ATP2C2: variants seen among roughly 807,000 people sequenced by gnomAD.
ATP2C2 encodes calcium-transporting ATPase type 2C member 2.
ATP2C2 carries 171 observed loss-of-function variants against 110.8 expected under a neutral mutation model. The ratio of observed to expected loss-of-function variants is 1.54; its 90% confidence interval spans 1.36 to 1.75. The LOEUF (loss-of-function observed/expected upper bound fraction) is 1.75. Among genes scored for constraint, ATP2C2 ranks in the 40% most tolerant of loss-of-function variants. The pLI, the probability that ATP2C2 is intolerant of heterozygous loss-of-function variation, is 0.00. For synonymous variants in ATP2C2, 804 were observed against 508.4 expected, an observed-to-expected ratio of 1.58 and a Z score of -7.82; for missense variants, 1,963 against 1,235.0, an observed-to-expected ratio of 1.59 and a Z score of -8.84.
intron 6 of ATP2C2, among the ~76,000 whole-genome samples, chr16:84,411,086 A>C (rs576340610): frequency 1.3e-5 from 2 of 152,082 alleles, no homozygotes; most frequent in African/African-American, 4.8e-5. Context: ...AACTGTGTGC[A>C]TTTTTTCTAG....
intron 2 of ATP2C2, chr16:84,404,717 G>A (rs1905595008): frequency 2.3e-5 from 8 of 353,186 alleles, no homozygotes; most frequent in South Asian, 1.4e-4. Flanking sequence ...ACCCCAAAGT[G>A]GAATTGCTGG....
At chr16:84,451,898 C>G in intron 17 of ATP2C2, 23 bp from the exon 18 acceptor site, 3 of 1,601,176 alleles carry the variant, frequency 1.9e-6, no homozygotes, top group Non-Finnish European at 2.6e-6. Context: ...GGTGACCCCT[C>G]CTTACTCCCC....
intron 11 of ATP2C2, among the ~76,000 whole-genome samples, chr16:84,436,438 G>A (rs919765819): frequency 5.3e-5 from 8 of 152,182 alleles, no homozygotes; most frequent in Admixed American, 6.5e-5. Flanking sequence ...TGGACCGGGC[G>A]TGTCTCGAGG....
intron 1 of ATP2C2, among the ~76,000 whole-genome samples, chr16:84,394,141 A>G (rs1904833586): frequency 6.6e-6 from 1 of 152,022 alleles, no homozygotes; most frequent in Admixed American, 6.6e-5. Context: ...CCAAGATCAC[A>G]CCACTGCACT....
intron 1 of ATP2C2, among the ~76,000 whole-genome samples, chr16:84,376,540 T>TG (rs201567483): frequency 0.074 from 11,280 of 152,158 alleles, 512 homozygotes; most frequent in Middle Eastern, 0.11. Flanking sequence ...TGGCAATTTT[T>TG]TTTTTTTTTT....
intron 1 of ATP2C2, among the ~76,000 whole-genome samples, chr16:84,387,648 T>C (rs1400895015): frequency 6.6e-6 from 1 of 152,226 alleles, no homozygotes; most frequent in Admixed American, 6.5e-5. Flanking sequence ...CAGTTATTCA[T>C]GGAAATGCAC....
chr16:84,454,179 C>T (rs536776456), intron 20 of ATP2C2, among the ~76,000 whole-genome samples: 1 of 152,246 alleles, frequency 6.6e-6, no homozygotes, highest in Non-Finnish European at 1.5e-5. Flanking sequence ...AATGGGGGAA[C>T]TATTAATGCC....
chr16:84,437,671 A>AATTAGC (rs2150564161), intron 11 of ATP2C2, among the ~76,000 whole-genome samples: 1 of 152,258 alleles, frequency 6.6e-6, no homozygotes, highest in East Asian at 1.9e-4. Flanking sequence ...GCATGCCACC[A>AATTAGC]CACCTGGCTA....
intron 1 of ATP2C2, among the ~76,000 whole-genome samples, chr16:84,393,361 T>C (rs565815703): frequency 6.6e-6 from 1 of 152,138 alleles, no homozygotes; most frequent in African/African-American, 2.4e-5. Context: ...AGTGGCAGCG[T>C]CCACGAGCTC....
chr16:84,389,762 C>T (rs990502644), intron 1 of ATP2C2, among the ~76,000 whole-genome samples: 23 of 150,526 alleles, frequency 1.5e-4, no homozygotes, highest in Non-Finnish European at 2.2e-4. Context: ...GCTCTGTCAC[C>T]CAGGCTGGAG....
In ATP2C2 at chr16:84,404,845, G is replaced by A. The variant is rs757985306; in HGVS notation, c.211-283G>A. On this transcript the variant is annotated intron_variant, in intron 2 of 26. Coordinates refer to ENST00000262429, the MANE Select transcript of ATP2C2 (RefSeq NM_014861.4). The stretch of plus-strand genomic sequence containing the variant: ...TTTTTTTTTTAAGAAGAAAAGATGT[G>A]TTTCTGCATTTCTGGAAGTCTATGC... 2 of 352,428 alleles carry A rather than the reference G, an allele frequency of 5.7e-6. 1 individual carries two copies. Among genetic ancestry groups the A allele is most frequent in the South Asian group, 4.9e-5 (2 of 40,640 alleles). The allele number at this position is 352,428 out of a possible 1,614,324, so 21.8% of individuals were successfully genotyped here. A position where few individuals can be genotyped will look rare whatever the true frequency, so the allele number is the denominator to read the frequency against.
intron 1 of ATP2C2, among the ~76,000 whole-genome samples, chr16:84,385,072 G>C (rs1244159286): frequency 6.6e-6 from 1 of 152,102 alleles, no homozygotes; most frequent in Non-Finnish European, 1.5e-5. Context: ...ATAAAAAGAA[G>C]AAATACCTGA....
intron 20 of ATP2C2, among the ~76,000 whole-genome samples, 182 bp downstream of exon 20, chr16:84,453,553 A>G (rs919739162): frequency 6.6e-6 from 1 of 152,072 alleles, no homozygotes; most frequent in Non-Finnish European, 1.5e-5. Context: ...GAGGAGGTTG[A>G]GCAGGGGCGC....
intron 1 of ATP2C2, among the ~76,000 whole-genome samples, chr16:84,374,058 T>C (rs1430790308): frequency 2.0e-5 from 3 of 152,242 alleles, no homozygotes; most frequent in Non-Finnish European, 2.9e-5. Context: ...GAAGATAATG[T>C]TAGTGTTGGG....
At chr16:84,460,895 T>C in intron 24 of ATP2C2, 94 bp downstream of exon 24, 1 of 1,459,796 alleles carries the variant, frequency 6.9e-7, no homozygotes. Context: ...AGCTCACATC[T>C]GGGAGAGGCA....
intron 15 of ATP2C2, 35 bp from the exon 16 acceptor site, chr16:84,446,294 T>TG (rs760162623): frequency 7.5e-7 from 1 of 1,338,444 alleles, no homozygotes; most frequent in Admixed American, 2.1e-5. Flanking sequence ...TGGCTTCGGA[T>TG]GACTCACTAA....
At chr16:84,401,310 G>T (rs1905306868) in intron 2 of ATP2C2, among the ~76,000 whole-genome samples, 1 of 143,390 alleles carries the variant, frequency 7.0e-6, no homozygotes, top group Non-Finnish European at 1.5e-5. Context: ...TGCAACCTCT[G>T]CCTCCTGGGT....
chr16:84,405,037 A>C lies in ATP2C2; in HGVS notation c.211-91A>C, dbSNP rs764529138. On this transcript the variant is annotated intron_variant, in intron 2 of 26. Coordinates refer to ENST00000262429, the MANE Select transcript of ATP2C2 (RefSeq NM_014861.4). ...GCCTGTGTCCCTGGCCCATCATGGA[A>C]GCCGCTGCCTTTCAGAGTGGGAGTC... 3.7e-6 allele frequency: 4 copies of C among 1,077,938 alleles called. No individual in the cohort carries two copies. In the South Asian group the frequency reaches 5.0e-5, roughly 13 times the overall value. 66.8% of individuals were successfully genotyped at this position (1,077,938 alleles called of 1,614,324 possible).
chr16:84,411,478 G>C (rs34723309), intron 6 of ATP2C2, among the ~76,000 whole-genome samples: 19,373 of 152,144 alleles, frequency 0.13, 1,175 homozygotes, highest in East Asian at 0.15. Flanking sequence ...GTCTTGCTCT[G>C]TCGCCCAGGC....
Sources: gnomAD v4.1 joint callset for allele counts (sites outside exome capture counted in the v4.1 genomes callset) on GRCh38, gnomAD v4.1.1 for gene constraint, MANE v1.5 for transcripts, NCBI Gene and HGNC (gene_info 2026-07-23, HGNC 2026-07-21) for gene names.